COQ9: variants seen among roughly 807,000 people sequenced by gnomAD.
COQ9 encodes the protein ubiquinone biosynthesis protein COQ9, mitochondrial.
A neutral mutation model predicts 42.4 loss-of-function variants in COQ9; 35 were observed. The ratio of observed to expected loss-of-function variants is 0.83; its 90% CI spans 0.63 to 1.10. The LOEUF is 1.10. COQ9 is among the 50% of genes least tolerant of loss of function. The pLI is 0.00. For missense variants in COQ9, 406 were observed against 414.6 expected, an observed-to-expected ratio of 0.98 and a Z score of 0.18; for synonymous variants, 155 against 155.1, an observed-to-expected ratio of 1.00 and a Z score of 0.00.
chr16:57,459,773 C>T (rs1466815049), intron 7 of COQ9, 53 bp downstream of exon 7: 1 of 1,594,988 alleles, frequency 6.3e-7, no homozygotes, highest in Non-Finnish European at 8.6e-7. Flanking sequence ...TACCTATTCT[C>T]CTCAGGTCAC....
At chr16:57,452,654 C>G in intron 2 of COQ9, 147 bp from the exon 3 acceptor site, 1 of 1,073,202 alleles carries the variant, frequency 9.3e-7, no homozygotes, top group Non-Finnish European at 1.4e-6. Context: ...AAACAAAAAA[C>G]AAACAAGAAA....
chr16:57,451,345 T>A (rs2030284198), intron 2 of COQ9, 137 bp downstream of exon 2: 2 of 1,021,418 alleles, frequency 2.0e-6, no homozygotes, highest in Non-Finnish European at 3.0e-6. Context: ...TAGAATTTTT[T>A]ATTTTTTGTA....
rs1295367953 is a variant in COQ9, at chr16:57,458,346, C to G, written c.707C>G (p.Thr236Ser). ...TGGCATTACGCTGGGGACCAGTCCA[C>G]TGATGTGAGTGCTTTCTGCAGGCCC... ...DMWHYAGDQS[T>S]DFNWYTRRAM... The change falls in exon 6 of 9, where the codon ACT (threonine) becomes AGT (serine). Residue 236 changes from threonine to serine, a missense_variant. Transcript: ENST00000262507. The G allele has an allele frequency of 1.3e-5, 21 of 1,607,916 alleles. No homozygotes were observed.
Position 57,450,793 on chromosome 16 carries a change from G to C in COQ9, c.74-247G>C, listed in dbSNP as rs1334542384. 9 of 562,226 alleles carry C rather than the reference G, an allele frequency of 1.6e-5. No homozygotes were observed. The South Asian group carries it at 1.8e-4, about 11-fold the overall frequency. The allele number at this position is 562,226 out of a possible 1,614,324, so 34.8% of individuals were successfully genotyped here. ...GGTGAAATTGTTTGCCAGTTACCCA[G>C]GTAACAAGTGGTAGAAACAGGTCAA... On this transcript the variant is annotated intron_variant, in intron 1 of 8. Coordinates refer to ENST00000262507, the MANE Select transcript of COQ9 (RefSeq NM_020312.4).
chr16:57,459,754 T>C, intron 7 of COQ9, 34 bp downstream of exon 7: 1 of 1,612,042 alleles, frequency 6.2e-7, no homozygotes, highest in Non-Finnish European at 8.5e-7. Context: ...GAACCCTCTT[T>C]AGAAGGCATA....
chr16:57,449,932 A>G (rs979021573), intron 1 of COQ9, among the ~76,000 whole-genome samples: 9 of 152,216 alleles, frequency 5.9e-5, no homozygotes, highest in Admixed American at 1.3e-4. Context: ...TGTAAATGGC[A>G]TCTGAATAAC....
chr16:57,450,144 A>G (rs896276830), intron 1 of COQ9, among the ~76,000 whole-genome samples: 4 of 152,168 alleles, frequency 2.6e-5, no homozygotes, highest in Admixed American at 6.6e-5. Flanking sequence ...GCTGGGCATG[A>G]TGGCTCACGC....
At chr16:57,457,798 T>C (rs1422838360) in intron 5 of COQ9, among the ~76,000 whole-genome samples, 1 of 152,184 alleles carries the variant, frequency 6.6e-6, no homozygotes, top group Non-Finnish European at 1.5e-5. Flanking sequence ...AGAGAAAACC[T>C]TACAGCCAAT....
At position 57,456,432 on chromosome 16, in the gene COQ9, AG is replaced by A. The variant is rs2146590672; in HGVS notation, c.379-71del. ...GCTGCTGTCACTAGGAAGAGGCTCTAGTGATGAACAGGCAACAAATGTACCC... is the reference window on the plus strand; with the variant it reads ...GCTGCTGTCACTAGGAAGAGGCTCTATGATGAACAGGCAACAAATGTACCC... On this transcript the variant is annotated intron_variant, in intron 3 of 8. Coordinates refer to ENST00000262507, the MANE Select transcript of COQ9 (RefSeq NM_020312.4). 4 of 1,534,010 alleles carry A rather than the reference AG, an allele frequency of 2.6e-6. No homozygotes were observed. In the East Asian group the frequency reaches 9.0e-5, roughly 35 times the overall value.
intron 6 of COQ9, among the ~76,000 whole-genome samples, chr16:57,458,970 G>T (rs1295234086): frequency 6.6e-6 from 1 of 152,232 alleles, no homozygotes; most frequent in African/African-American, 2.4e-5. Flanking sequence ...CTTCCTCCAT[G>T]TGGGAATATA....
At chr16:57,450,617 T>C (rs1439179887) in intron 1 of COQ9, among the ~76,000 whole-genome samples, 3 of 152,148 alleles carry the variant, frequency 2.0e-5, no homozygotes, top group African/African-American at 7.2e-5. Context: ...GCTGAGACAT[T>C]AAATTACTAT....
rs779379396 is a variant in COQ9 at position 57,460,795 on chromosome 16, G to T, written c.*171G>T. On this transcript the variant is annotated 3_prime_UTR_variant, in exon 9 of 9. Coordinates refer to ENST00000262507, the MANE Select transcript of COQ9 (RefSeq NM_020312.4). ...AAACCACAAGGCATTTGATGCTACC[G>T]TTCTGGTCAGGGATTGGGCTGCTTC... 5.0e-5 allele frequency: 33 copies of T among 665,218 alleles called. No individual in the cohort carries two copies. The highest frequency in any genetic ancestry group is 7.9e-5 in the Non-Finnish European group (29 of 367,132). The allele number at this position is 665,218 out of a possible 1,614,324, so 41.2% of individuals were successfully genotyped here.
At chr16:57,458,109 C>G in intron 5 of COQ9, 137 bp from the exon 6 acceptor site, 1 of 712,254 alleles carries the variant, frequency 1.4e-6, no homozygotes, top group Non-Finnish European at 2.5e-6. Flanking sequence ...ACAACTCACG[C>G]CAGTGGGTGA....
intron 3 of COQ9, among the ~76,000 whole-genome samples, chr16:57,454,587 G>A (rs1412999712): frequency 2.6e-5 from 4 of 152,200 alleles, no homozygotes; most frequent in Non-Finnish European, 5.9e-5. Flanking sequence ...GAGCCTGGTA[G>A]GTCAAGGCTG....
intron 2 of COQ9, among the ~76,000 whole-genome samples, chr16:57,452,182 G>A (rs1414817898): frequency 1.3e-5 from 2 of 152,260 alleles, no homozygotes; most frequent in African/African-American, 2.4e-5. Flanking sequence ...GTAGTCTGGT[G>A]TAAGTTTAGA....
chr16:57,456,645 G>C lies in COQ9; in HGVS notation c.520G>C (p.Glu174Gln), dbSNP rs146546116. 15 of 1,613,458 alleles carry C rather than the reference G, an allele frequency of 9.3e-6. No individual in the cohort carries two copies. In the African/African-American group the frequency reaches 1.9e-4, roughly 20 times the overall value. The change falls in exon 4 of 9, where the codon GAG (glutamate) becomes CAG (glutamine). Residue 174 changes from glutamate to glutamine, a missense_variant and splice_region_variant. Glu to Gln is a conservative substitution (Grantham distance 29). Coordinates refer to ENST00000262507, the MANE Select transcript of COQ9 (RefSeq NM_020312.4). Reference sequence around the variant, plus strand: ...GAAGCTGGTACAGTTGGGCCAGGCGGAGTAAGTCCCATGGCATTACTACTC... The same window carrying C: ...GAAGCTGGTACAGTTGGGCCAGGCGCAGTAAGTCCCATGGCATTACTACTC... ...EQKLVQLGQAEKRKTDQFLRD... is the reference protein window; with the variant it reads ...EQKLVQLGQAQKRKTDQFLRD...
At chr16:57,453,725 T>G (rs1567578984) in intron 3 of COQ9, 1 of 152,470 alleles carries the variant, frequency 6.6e-6, no homozygotes, top group Non-Finnish European at 1.5e-5. Flanking sequence ...CTGACTCCAC[T>G]GTAGGCTCAT....
At chr16:57,450,927 TGGTTCTACAGGAGTCTCTGGC>T in intron 1 of COQ9, 92 bp from the exon 2 acceptor site, 1 of 1,155,628 alleles carries the variant, frequency 8.7e-7, no homozygotes. Flanking sequence ...CTTGGATAAG[TGGTTCTACAGGAGTCTCTGGC>T]CTGCTTTTCC....
intron 3 of COQ9, 184 bp downstream of exon 3, chr16:57,453,120 A>G (rs1875795612): frequency 1.4e-6 from 1 of 720,518 alleles, no homozygotes; most frequent in African/African-American, 1.8e-5. Flanking sequence ...TAAAGAACAT[A>G]CCATGGAGTT....
Sources: allele counts gnomAD v4.1 joint callset (sites outside exome capture counted in the v4.1 genomes callset), GRCh38; gene constraint gnomAD v4.1.1; transcripts MANE v1.5; gene names NCBI Gene and HGNC (gene_info 2026-07-23, HGNC 2026-07-21).